Variants in TXNRD1 observed in about 807,000 individuals in gnomAD.
TXNRD1 encodes thioredoxin reductase 1.
TXNRD1 carries 57 observed loss-of-function variants against 80.3 expected under a neutral mutation model. The observed-to-expected ratio is 0.71, with a 90% confidence interval of 0.57 to 0.89. TXNRD1 has a LOEUF of 0.89. Ranked by LOEUF, TXNRD1 falls within the 40% of genes least tolerant of loss-of-function variation. TXNRD1 has a pLI of 0.00. For synonymous variants in TXNRD1, 291 were observed against 285.2 expected (o/e 1.02, Z -0.20); for missense variants, 730 against 803.0 (o/e 0.91, Z 1.10).
At chr12:104,225,732 T>TA (rs1240229984) in intron 1 of TXNRD1, among the ~76,000 whole-genome samples, 7 of 144,694 alleles carry the variant, frequency 4.8e-5, no homozygotes, top group Non-Finnish European at 7.5e-5. Flanking sequence ...TTTTTTTTTT[T>TA]ATAAATTACC....
At chr12:104,315,120 T>G (rs752650583) in intron 6 of TXNRD1, among the ~76,000 whole-genome samples, 6 of 152,236 alleles carry the variant, frequency 3.9e-5, no homozygotes, top group Non-Finnish European at 7.3e-5. Context: ...CCTTTATCAG[T>G]TACCTCTGCA....
chr12:104,216,505 G>T (rs1315910098), intron 1 of TXNRD1, among the ~76,000 whole-genome samples: 1 of 152,168 alleles, frequency 6.6e-6, no homozygotes, highest in Admixed American at 6.5e-5. Flanking sequence ...CTTCTCCATT[G>T]TCCGGATAAT....
chr12:104,225,777 T>G (rs921695419), intron 1 of TXNRD1, among the ~76,000 whole-genome samples: 10 of 151,648 alleles, frequency 6.6e-5, no homozygotes, highest in Admixed American at 2.6e-4. Flanking sequence ...AGCGTGAGAA[T>G]GGACTAATAC....
intron 10 of TXNRD1, 121 bp downstream of exon 10, chr12:104,321,437 C>T: frequency 1.3e-6 from 1 of 757,852 alleles, no homozygotes; most frequent in Non-Finnish European, 2.2e-6. Flanking sequence ...GCTGATTCCC[C>T]TACTGTTGTA....
At chr12:104,331,509 A>G in intron 13 of TXNRD1, 25 bp from the exon 14 acceptor site, 1 of 1,500,726 alleles carries the variant, frequency 6.7e-7, no homozygotes, top group Non-Finnish European at 9.1e-7. Context: ...GCCTATTATA[A>G]CTCCTTACCT....
intron 1 of TXNRD1, among the ~76,000 whole-genome samples, chr12:104,225,752 A>G (rs1213179650): frequency 1.3e-5 from 2 of 150,242 alleles, no homozygotes; most frequent in African/African-American, 4.9e-5. Flanking sequence ...CTAGTCTCAG[A>G]TATGTCCTTA....
intron 4 of TXNRD1, chr12:104,303,764 T>A (rs2034746356): frequency 1.7e-6 from 2 of 1,161,492 alleles, no homozygotes; most frequent in South Asian, 1.7e-5. Context: ...CGGCTCTAAC[T>A]GCCGCCACTT....
At chr12:104,244,333 C>A (rs78630340) in intron 1 of TXNRD1, among the ~76,000 whole-genome samples, 7,376 of 152,202 alleles carry the variant, frequency 0.048, 472 homozygotes, top group African/African-American at 0.15. Flanking sequence ...CTTTACTAAT[C>A]CCACAGTTCA....
intron 4 of TXNRD1, among the ~76,000 whole-genome samples, chr12:104,296,682 G>C (rs1379859384): frequency 6.6e-6 from 1 of 152,248 alleles, no homozygotes; most frequent in Non-Finnish European, 1.5e-5. Flanking sequence ...TGAGTGAATA[G>C]ATCGTGGTAG....
chr12:104,282,028 T>C (rs1283689438), intron 3 of TXNRD1, among the ~76,000 whole-genome samples: 1 of 152,148 alleles, frequency 6.6e-6, no homozygotes, highest in East Asian at 1.9e-4. Context: ...GTGAGACAAG[T>C]CTCTAAATTA....
At chr12:104,241,255 G>A (rs985514291) in intron 1 of TXNRD1, among the ~76,000 whole-genome samples, 8 of 151,956 alleles carry the variant, frequency 5.3e-5, no homozygotes, top group African/African-American at 1.5e-4. Flanking sequence ...TGGCCAGGCT[G>A]GTGTCAAACT....
intron 3 of TXNRD1, among the ~76,000 whole-genome samples, chr12:104,275,603 G>A (rs559344893): frequency 2.0e-5 from 3 of 152,074 alleles, no homozygotes; most frequent in Non-Finnish European, 2.9e-5. Flanking sequence ...GGCTGGTCTC[G>A]AACTCCTGAC....
intron 4 of TXNRD1, among the ~76,000 whole-genome samples, chr12:104,294,454 T>C (rs1218258040): frequency 6.6e-6 from 1 of 152,040 alleles, no homozygotes; most frequent in African/African-American, 2.4e-5. Context: ...CCTCAGCTCC[T>C]ATCTCTGTAT....
At chr12:104,229,602 A>ATTTTATTTTATTTTATTTAT (rs1565853296) in intron 1 of TXNRD1, among the ~76,000 whole-genome samples, 2 of 89,332 alleles carry the variant, frequency 2.2e-5, no homozygotes, top group East Asian at 7.1e-4. Context: ...TATTTTATTT[A>ATTTTATTTTATTTTATTTAT]TTTTTTTTGA....
At chr12:104,246,223 C>T (rs578120084) in intron 1 of TXNRD1, among the ~76,000 whole-genome samples, 5 of 148,322 alleles carry the variant, frequency 3.4e-5, no homozygotes, top group African/African-American at 5.0e-5. Context: ...GTCAGGAGAT[C>T]GAGACCATCT....
At chr12:104,336,297 T>C (rs1472347834) in intron 15 of TXNRD1, among the ~76,000 whole-genome samples, 4 of 152,234 alleles carry the variant, frequency 2.6e-5, no homozygotes, top group Non-Finnish European at 5.9e-5. Flanking sequence ...TTCCTACCAA[T>C]AAACCTGTCA....
At chr12:104,298,122 C>CTTA (rs1437504639) in intron 4 of TXNRD1, among the ~76,000 whole-genome samples, 16 of 152,182 alleles carry the variant, frequency 1.1e-4, no homozygotes, top group Non-Finnish European at 1.9e-4. Flanking sequence ...ATAATGCCAT[C>CTTA]TTATTTGAAT....
intron 12 of TXNRD1, among the ~76,000 whole-genome samples, chr12:104,326,821 A>C (rs930213691): frequency 1.3e-5 from 2 of 150,272 alleles, no homozygotes; most frequent in Non-Finnish European, 3.0e-5. Context: ...CAATTATAGA[A>C]TTTTAGTTTT....
chr12:104,315,977 A>G (rs765102520), intron 7 of TXNRD1, 81 bp downstream of exon 7: 14 of 1,466,926 alleles, frequency 9.5e-6, no homozygotes, highest in Non-Finnish European at 1.3e-5. Context: ...GTCCATTTTC[A>G]TGAAGATAGC....
Sources: allele counts gnomAD v4.1 joint callset (sites outside exome capture counted in the v4.1 genomes callset), GRCh38; gene constraint gnomAD v4.1.1; transcripts MANE v1.5; gene names NCBI Gene and HGNC (gene_info 2026-07-23, HGNC 2026-07-21).